LRRC8A: variants seen among roughly 807,000 people sequenced by gnomAD.
LRRC8A encodes leucine rich repeat containing 8 VRAC subunit A, also known as volume-regulated anion channel subunit LRRC8A.
In LRRC8A, 24 loss-of-function variants were observed where a neutral mutation model predicts 52.5. The observed-to-expected ratio is 0.46, with a 90% CI of 0.33 to 0.64. The LOEUF is 0.64. LRRC8A is among the 30% of genes least tolerant of loss of function. The probability of loss-of-function intolerance (pLI) is 0.02; values close to 1 mark genes in which losing one functional copy is unlikely to be tolerated. For synonymous variants in LRRC8A, 492 were observed against 494.2 expected (o/e 1.00, Z 0.06); for missense variants, 677 against 1,094.7 (o/e 0.62, Z 5.38).
intron 1 of LRRC8A, 147 bp downstream of exon 1, chr9:128,882,397 T>G: frequency 3.8e-6 from 1 of 260,062 alleles, no homozygotes; most frequent in Non-Finnish European, 7.3e-6. Flanking sequence ...TCCCGCGGTG[T>G]TCGGCCTACC....
At chr9:128,897,773 A>T (rs562243113) in intron 2 of LRRC8A, among the ~76,000 whole-genome samples, 1 of 151,692 alleles carries the variant, frequency 6.6e-6, no homozygotes, top group South Asian at 2.1e-4. Flanking sequence ...CAAACTCCTG[A>T]CCTCAGGTGA....
rs555903264 is a variant in LRRC8A, at chr9:128,904,801, T to C, written c.-8-2356T>C. On this transcript the variant is annotated intron_variant, in intron 2 of 3. Transcript: ENST00000372600. Reference sequence around the variant, plus strand: ...CAAGGTCAGGAGAACGAGACCATCCTGGCTAACACGGTGAAACCCCGTCTC... The same window carrying C: ...CAAGGTCAGGAGAACGAGACCATCCCGGCTAACACGGTGAAACCCCGTCTC... Among the ~76,000 whole-genome samples the C allele has an allele frequency of 3.3e-5, 5 of 151,760 alleles. No individual in the cohort carries two copies. The East Asian group carries it at 5.8e-4, about 18-fold the overall frequency.
intron 2 of LRRC8A, among the ~76,000 whole-genome samples, chr9:128,900,919 A>C (rs983019763): frequency 6.6e-6 from 1 of 152,054 alleles, no homozygotes; most frequent in African/African-American, 2.4e-5. Flanking sequence ...TCACACCTGT[A>C]ATCCCCGCAC....
chr9:128,889,715 C>T (rs745392508), intron 2 of LRRC8A, among the ~76,000 whole-genome samples: 144 of 151,952 alleles, frequency 9.5e-4, no homozygotes, highest in Non-Finnish European at 1.5e-3. Context: ...TGGCTGGTCT[C>T]GATCTCCTGA....
intron 2 of LRRC8A, among the ~76,000 whole-genome samples, chr9:128,895,282 G>A (rs55924875): frequency 7.6e-4 from 116 of 152,262 alleles, no homozygotes; most frequent in African/African-American, 2.7e-3. Flanking sequence ...CCGGGAGGTG[G>A]AGGTTGCAGT....
intron 2 of LRRC8A, among the ~76,000 whole-genome samples, chr9:128,894,152 A>AT (rs1357109513): frequency 2.6e-5 from 4 of 151,798 alleles, no homozygotes; most frequent in Admixed American, 1.3e-4. Flanking sequence ...AAGTGCTAGG[A>AT]TTACAGGCGT....
chr9:128,893,964 C>T (rs927980999), intron 2 of LRRC8A, among the ~76,000 whole-genome samples: 7 of 151,940 alleles, frequency 4.6e-5, no homozygotes, highest in Admixed American at 3.3e-4. Context: ...CTGCAACCTG[C>T]GCCTCCCGGG....
At chr9:128,887,358 C>A (rs113921486) in intron 2 of LRRC8A, among the ~76,000 whole-genome samples, 1 of 151,896 alleles carries the variant, frequency 6.6e-6, no homozygotes, top group Admixed American at 6.6e-5. Flanking sequence ...GAGATAGAGC[C>A]TCTCTACATT....
Position 128,916,014 on chromosome 9 carries a change from T to C in LRRC8A, c.2158-82T>C. ...GGGATCAGAAAAGATGCTGAGATCT[T>C]GGGGAGAGAGGGAAGGGAAGCCCAG... On this transcript the variant is annotated intron_variant, in intron 3 of 3. Coordinates refer to ENST00000372600, the MANE Select transcript of LRRC8A (RefSeq NM_019594.4). This position sits in a 1 kb window ranked among gnomAD's most constrained non-coding sequence, Gnocchi z 6.1. 1 of 1,485,362 alleles carries C rather than the reference T, an allele frequency of 6.7e-7. No homozygotes were observed. Among genetic ancestry groups the C allele is most frequent in the Non-Finnish European group, 9.1e-7 (1 of 1,099,132 alleles). The allele number at this position is 1,485,362 out of a possible 1,614,324, so 92.0% of individuals were successfully genotyped here.
Position 128,902,110 on chromosome 9 carries a change from G to C in LRRC8A, c.-8-5047G>C, listed in dbSNP as rs1411491759. ...TTCTCAGCTCTGCAGCCAGCCCCAGGCTCTGCCATTGGAACCCCAGGGCCC... is the reference window on the plus strand; with the variant it reads ...TTCTCAGCTCTGCAGCCAGCCCCAGCCTCTGCCATTGGAACCCCAGGGCCC... On this transcript the variant is annotated intron_variant, in intron 2 of 3. Coordinates refer to ENST00000372600, the MANE Select transcript of LRRC8A (RefSeq NM_019594.4). This position sits in a 1 kb window ranked among gnomAD's most constrained non-coding sequence, Gnocchi z 4.1. Among the ~76,000 whole-genome samples the C allele has an allele frequency of 6.6e-6, 1 of 152,194 alleles. No homozygotes were observed. Among genetic ancestry groups the C allele is most frequent in the Non-Finnish European group, 1.5e-5 (1 of 68,022 alleles).
In LRRC8A at chr9:128,902,435, T is replaced by C. The variant is rs902470474; in HGVS notation, c.-8-4722T>C. 9.2e-5 allele frequency among the ~76,000 whole-genome samples: 14 copies of C among 152,056 alleles called. No homozygotes were observed. The highest frequency in any genetic ancestry group is 1.9e-4 in the Non-Finnish European group (13 of 67,990). ...CTGGGTGGTACAGACAAGCCCCAGG[T>C]CGGCGGGGCTGGGGCGGCTCCTCGC... On this transcript the variant is annotated intron_variant, in intron 2 of 3. Transcript: ENST00000372600. This position sits in a 1 kb window ranked among gnomAD's most constrained non-coding sequence, Gnocchi z 4.1.
rs202218761 is a variant in LRRC8A, at chr9:128,907,197, G to C, written c.33G>C (p.Ala11=). The C allele has an allele frequency of 6.2e-7, 1 of 1,611,064 alleles. No homozygotes were observed. Among genetic ancestry groups the C allele is most frequent in the Non-Finnish European group, 8.5e-7 (1 of 1,177,610 alleles). Reference sequence around the variant, plus strand: ...CGGTGACAGAGCTCCGCTACTTTGCGGACACGCAGCCAGCATACCGGATCC... The same window carrying C: ...CGGTGACAGAGCTCCGCTACTTTGCCGACACGCAGCCAGCATACCGGATCC... The part of the protein sequence containing the change: MIPVTELRYF[A]DTQPAYRILK... The change falls in exon 3 of 4, where the codon GCG becomes GCC. Residue 11 remains alanine (A), a synonymous_variant. Transcript: ENST00000372600. The surrounding 1 kb of genome is among the most constrained non-coding windows in gnomAD (Gnocchi z 9.3).
chr9:128,892,727 G>A lies in LRRC8A; in HGVS notation c.-9+6606G>A, dbSNP rs371519850. Reference sequence around the variant, plus strand: ...AGGGGAAGCACATGACCCATGGCCCGTGGTGGGAGCAGATCCACAGGCTTG... The same window carrying A: ...AGGGGAAGCACATGACCCATGGCCCATGGTGGGAGCAGATCCACAGGCTTG... On this transcript the variant is annotated intron_variant, in intron 2 of 3. Transcript: ENST00000372600. The surrounding 1 kb of genome is among the most constrained non-coding windows in gnomAD (Gnocchi z 5.2). 3.3e-5 allele frequency among the ~76,000 whole-genome samples: 5 copies of A among 152,194 alleles called. No individual in the cohort carries two copies. Among genetic ancestry groups the A allele is most frequent in the Non-Finnish European group, 5.9e-5 (4 of 68,030 alleles).
chr9:128,915,326 A>G (rs1840760722), intron 3 of LRRC8A, among the ~76,000 whole-genome samples: 1 of 152,020 alleles, frequency 6.6e-6, no homozygotes, highest in Admixed American at 6.6e-5. Context: ...TTAGGCTTTG[A>G]GGCTATTATT....
chr9:128,882,477 C>G, intron 1 of LRRC8A: 1 of 381,058 alleles, frequency 2.6e-6, no homozygotes, highest in Non-Finnish European at 4.6e-6. Context: ...CGCGAGCCCC[C>G]TCCCAGGCAC....
intron 2 of LRRC8A, among the ~76,000 whole-genome samples, chr9:128,904,093 G>T (rs1412122029): frequency 2.0e-5 from 3 of 151,962 alleles, no homozygotes; most frequent in Non-Finnish European, 4.4e-5. Context: ...AAAGAAAGGT[G>T]GCCCATCATC....
intron 2 of LRRC8A, among the ~76,000 whole-genome samples, chr9:128,905,065 TG>T (rs1840191215): frequency 6.7e-6 from 1 of 149,046 alleles, no homozygotes; most frequent in South Asian, 2.1e-4. Context: ...CCCAGCTACC[TG>T]GGGGAGGCTA....
rs748366547 is a variant in LRRC8A at position 128,908,671 on chromosome 9, A to G, written c.1507A>G (p.Thr503Ala). 34 of 1,612,754 alleles carry G rather than the reference A, an allele frequency of 2.1e-5. No individual in the cohort carries two copies. The highest frequency in any genetic ancestry group is 1.6e-4 in the Middle Eastern group (1 of 6,084). ...CCTGCGGGCGCTGCACATCAAGTTC[A>G]CCGACATCAAGGAGATCCCGCTGTG... ...ENLRALHIKF[T>A]DIKEIPLWIY... Residue 503 changes from threonine (T) to alanine (A), a missense_variant, in exon 3 of 4, where the codon ACC becomes GCC. By Grantham distance (58) the Thr-to-Ala change is moderately conservative. Transcript: ENST00000372600.
At chr9:128,904,190 G>T (rs1025673347) in intron 2 of LRRC8A, among the ~76,000 whole-genome samples, 8 of 152,208 alleles carry the variant, frequency 5.3e-5, no homozygotes, top group African/African-American at 1.9e-4. Context: ...CTAGGTTCTG[G>T]GTTACAGTGT....
Sources: allele counts gnomAD v4.1 joint callset (sites outside exome capture counted in the v4.1 genomes callset), GRCh38; gene constraint gnomAD v4.1.1; non-coding constraint Gnocchi (gnomAD v3.1); transcripts MANE v1.5; gene names NCBI Gene and HGNC (gene_info 2026-07-23, HGNC 2026-07-21).